The following TDRD9 variants were observed in gnomAD, a reference collection of about 807,000 sequenced individuals.
TDRD9 encodes tudor domain containing 9, also known as ATP-dependent RNA helicase TDRD9.
In TDRD9, 124 loss-of-function variants were observed where a neutral mutation model predicts 172.6. That is an observed-to-expected ratio of 0.72 (90% CI 0.62 to 0.83). TDRD9 has a LOEUF of 0.83. Among genes scored for constraint, TDRD9 ranks in the 40% least tolerant of loss-of-function variants. The pLI, the probability that TDRD9 is intolerant of heterozygous loss-of-function variation, is 0.00. For synonymous variants in TDRD9, 619 were observed against 617.1 expected (o/e 1.00, Z -0.05); for missense variants, 1,479 against 1,714.1 (o/e 0.86, Z 2.42).
chr14:104,011,982 G>C (rs2034627294), intron 20 of TDRD9, among the ~76,000 whole-genome samples: 1 of 152,166 alleles, frequency 6.6e-6, no homozygotes, highest in South Asian at 2.1e-4. Flanking sequence ...TCCTTTCCCA[G>C]TAGAGTCTTA....
chr14:103,950,090 CTTTTT>C (rs58379140), intron 1 of TDRD9, among the ~76,000 whole-genome samples: 3 of 108,450 alleles, frequency 2.8e-5, no homozygotes, highest in African/African-American at 3.6e-5. Flanking sequence ...TCCTTCCTTC[CTTTTT>C]TTTTTTTTTT....
intron 3 of TDRD9, among the ~76,000 whole-genome samples, chr14:103,964,745 G>A (rs112039434): frequency 4.6e-5 from 7 of 152,062 alleles, no homozygotes; most frequent in Admixed American, 1.3e-4. Context: ...GAATGGTCTC[G>A]ATCTCTTGAC....
chr14:103,991,184 G>T lies in TDRD9; in HGVS notation c.1140G>T (p.Gln380His), dbSNP rs2033849642. Residue 380 changes from glutamine (Q) to histidine (H), a missense_variant, in exon 9 of 36, where the codon CAG becomes CAT. Transcript: ENST00000409874. ...ESGNKAWSGA[Q>H]FVLERSSVLV... Reference sequence around the variant, plus strand: ...GGAACAAGGCTTGGTCGGGGGCCCAGTTTGTGTTGGAGCGAAGCAGTGTGT... The same window carrying T: ...GGAACAAGGCTTGGTCGGGGGCCCATTTTGTGTTGGAGCGAAGCAGTGTGT... The T allele has an allele frequency of 6.2e-7, 1 of 1,613,904 alleles. No homozygotes were observed. Among genetic ancestry groups the T allele is most frequent in the Non-Finnish European group, 8.5e-7 (1 of 1,179,900 alleles).
chr14:103,976,560 C>T (rs959610473), intron 7 of TDRD9, among the ~76,000 whole-genome samples: 2 of 152,124 alleles, frequency 1.3e-5, no homozygotes, highest in African/African-American at 2.4e-5. Context: ...CGCGCCTGGC[C>T]TATCCATTCA....
intron 32 of TDRD9, among the ~76,000 whole-genome samples, chr14:104,037,539 G>T (rs1409898508): frequency 6.6e-6 from 1 of 152,200 alleles, no homozygotes; most frequent in African/African-American, 2.4e-5. Context: ...ATAGTGGCAG[G>T]AAAGGAAGAT....
chr14:104,034,239 A>G (rs1345425800), intron 31 of TDRD9, among the ~76,000 whole-genome samples, 170 bp downstream of exon 31: 5 of 128,214 alleles, frequency 3.9e-5, no homozygotes, highest in South Asian at 4.8e-4. Context: ...CGCCCAGGCT[A>G]GAGTGCAGTG....
intron 7 of TDRD9, among the ~76,000 whole-genome samples, chr14:103,977,687 T>A (rs2033310887): frequency 6.6e-6 from 1 of 151,132 alleles, no homozygotes; most frequent in Non-Finnish European, 1.5e-5. Context: ...ATCCTATTTG[T>A]CTACTTTTGC....
chr14:104,031,021 C>A, intron 28 of TDRD9, 87 bp from the exon 29 acceptor site: 1 of 1,192,086 alleles, frequency 8.4e-7, no homozygotes, highest in Non-Finnish European at 1.2e-6. Flanking sequence ...CAGAGTAACA[C>A]TGTGCCTATG....
chr14:103,996,287 AAC>A (rs1309738190), intron 12 of TDRD9, among the ~76,000 whole-genome samples: 1 of 152,216 alleles, frequency 6.6e-6, no homozygotes, highest in Non-Finnish European at 1.5e-5. Flanking sequence ...TTGAAAACCT[AAC>A]ACATGTGTCG....
chr14:103,952,208 ATATATATATATATTTTTT>A (rs2031933405), intron 1 of TDRD9, among the ~76,000 whole-genome samples: 1 of 75,084 alleles, frequency 1.3e-5, no homozygotes, highest in African/African-American at 6.8e-5. Flanking sequence ...ATATATATAT[ATATATATATATATTTTTT>A]TTTTTTTTTT....
intron 34 of TDRD9, among the ~76,000 whole-genome samples, chr14:104,048,813 T>C (rs373476910): frequency 9.8e-5 from 15 of 152,288 alleles, no homozygotes; most frequent in African/African-American, 3.4e-4. Flanking sequence ...GCTTTCCCCA[T>C]CTGTTTCCTT....
intron 29 of TDRD9, 114 bp downstream of exon 29, chr14:104,031,377 T>C: frequency 1.1e-6 from 1 of 906,410 alleles, no homozygotes; most frequent in African/African-American, 1.7e-5. Context: ...CTTTTAATGC[T>C]GTTACTTTTC....
intron 22 of TDRD9, among the ~76,000 whole-genome samples, chr14:104,016,310 G>A (rs988565745): frequency 1.3e-5 from 2 of 152,098 alleles, no homozygotes; most frequent in African/African-American, 4.8e-5. Context: ...GCCTTATAAG[G>A]AAGCCTTGAG....
intron 22 of TDRD9, among the ~76,000 whole-genome samples, chr14:104,017,496 T>G (rs2034828514): frequency 6.6e-6 from 1 of 152,260 alleles, no homozygotes; most frequent in Non-Finnish European, 1.5e-5. Flanking sequence ...TAACTGGATC[T>G]GAGCCCCAGC....
chr14:103,978,183 A>AT (rs72582171), intron 7 of TDRD9, among the ~76,000 whole-genome samples: 72 of 149,622 alleles, frequency 4.8e-4, no homozygotes, highest in Middle Eastern at 7.0e-3. Context: ...GAATTTTAGG[A>AT]TTTTTTTTTT....
chr14:103,976,224 G>A lies in TDRD9; in HGVS notation c.1011+671G>A, dbSNP rs139800917. ...TTTATTCTTTTTTCATGGCTGAGTA[G>A]TATTTAATTGTGTGTATATACTATA... On this transcript the variant is annotated intron_variant, in intron 7 of 35. Coordinates refer to ENST00000409874, the MANE Select transcript of TDRD9 (RefSeq NM_153046.3). Among the ~76,000 whole-genome samples the A allele has an allele frequency of 7.4e-4, 112 of 151,734 alleles. 2 individuals are homozygous for A. In the East Asian group the frequency reaches 0.018, roughly 24 times the overall value.
At chr14:103,931,298 C>CAA (rs35115834) in intron 1 of TDRD9, among the ~76,000 whole-genome samples, 3,172 of 132,136 alleles carry the variant, frequency 0.024, 65 homozygotes, top group East Asian at 0.072. Context: ...GACCCTGTCT[C>CAA]AAAAAAAAAA....
intron 5 of TDRD9, 54 bp from the exon 6 acceptor site, chr14:103,970,487 G>A (rs935779275): frequency 1.9e-5 from 25 of 1,320,544 alleles, no homozygotes; most frequent in Non-Finnish European, 2.7e-5. Flanking sequence ...TGTCAGCAGT[G>A]TCATGTGTGT....
At chr14:104,005,204 C>G in intron 14 of TDRD9, 70 bp from the exon 15 acceptor site, 1 of 1,535,788 alleles carries the variant, frequency 6.5e-7, no homozygotes, top group Non-Finnish European at 8.9e-7. Flanking sequence ...CTCTGAAGCA[C>G]TGGTTATGTG....
Sources: allele counts gnomAD v4.1 joint callset (sites outside exome capture counted in the v4.1 genomes callset), GRCh38; gene constraint gnomAD v4.1.1; transcripts MANE v1.5; gene names NCBI Gene and HGNC (gene_info 2026-07-23, HGNC 2026-07-21).